The following HDAC9 variants were observed in gnomAD, a reference collection of about 807,000 sequenced individuals.
HDAC9 encodes the protein MEF-2 interacting transcription repressor (MITR) protein.
In HDAC9, 41 loss-of-function variants were observed where a neutral mutation model predicts 139.4. The observed-to-expected ratio is 0.29, with a 90% confidence interval of 0.23 to 0.38. The LOEUF (loss-of-function observed/expected upper bound fraction) is 0.38. HDAC9 is among the 10% of genes least tolerant of loss of function. The pLI is 1.00. For missense variants in HDAC9, 1,147 were observed against 1,297.0 expected (o/e 0.88, Z 1.78); for synonymous variants, 517 against 476.2 (o/e 1.09, Z -1.12).
At chr7:18,897,054 A>G (rs1458789200) in intron 22 of HDAC9, among the ~76,000 whole-genome samples, 3 of 152,088 alleles carry the variant, frequency 2.0e-5, no homozygotes, top group African/African-American at 4.8e-5. Flanking sequence ...GAGTATGCAT[A>G]TGCTCATTTT....
intron 2 of HDAC9, among the ~76,000 whole-genome samples, chr7:18,551,910 T>C (rs749283754): frequency 4.6e-5 from 7 of 152,238 alleles, no homozygotes; most frequent in Admixed American, 6.5e-5. Flanking sequence ...ATGTATTTTA[T>C]GTATTATTAT....
At chr7:18,899,918 G>A (rs1801544200) in intron 22 of HDAC9, among the ~76,000 whole-genome samples, 1 of 151,964 alleles carries the variant, frequency 6.6e-6, no homozygotes, top group Non-Finnish European at 1.5e-5. Flanking sequence ...TTGATAATGT[G>A]CATTTTCTGA....
At chr7:18,373,986 A>C (rs1404839195) in intron 1 of HDAC9, among the ~76,000 whole-genome samples, 1 of 152,046 alleles carries the variant, frequency 6.6e-6, no homozygotes, top group East Asian at 1.9e-4. Flanking sequence ...ATACTGTAAA[A>C]AATGTTACAA....
At chr7:18,143,807 G>C in intron 1 of HDAC9, among the ~76,000 whole-genome samples, 1 of 142,464 alleles carries the variant, frequency 7.0e-6, no homozygotes, top group African/African-American at 2.6e-5. Flanking sequence ...AAAAAAAAAA[G>C]AGTGTCTCTT....
At chr7:18,592,233 T>C (rs1831200517) in intron 5 of HDAC9, among the ~76,000 whole-genome samples, 1 of 152,082 alleles carries the variant, frequency 6.6e-6, no homozygotes, top group African/African-American at 2.4e-5. Context: ...GTGAATAGTT[T>C]ACCCCTGCCC....
chr7:18,720,722 C>T (rs1785082489), intron 12 of HDAC9, among the ~76,000 whole-genome samples: 1 of 150,420 alleles, frequency 6.6e-6, no homozygotes, highest in African/African-American at 2.5e-5. Context: ...CGCTCTGTCA[C>T]TCAGGCTGGA....
chr7:18,136,839 A>G (rs1379731686), intron 1 of HDAC9, among the ~76,000 whole-genome samples: 1 of 152,022 alleles, frequency 6.6e-6, no homozygotes, highest in Non-Finnish European at 1.5e-5. Flanking sequence ...AATTCTGTGA[A>G]GAAAGGCATT....
intron 1 of HDAC9, among the ~76,000 whole-genome samples, chr7:18,451,385 G>GTGTGTATATATA (rs1331350273): frequency 1.5e-5 from 2 of 136,290 alleles, no homozygotes; most frequent in African/African-American, 5.3e-5. Flanking sequence ...GTGTGTGTGT[G>GTGTGTATATATA]TGTGTGTGTG....
At chr7:18,166,999 A>G (rs560402605) in intron 2 of HDAC9, among the ~76,000 whole-genome samples, 3 of 152,340 alleles carry the variant, frequency 2.0e-5, no homozygotes, top group South Asian at 4.1e-4. Flanking sequence ...GTCAAATCCC[A>G]TGACAAGTAG....
intron 17 of HDAC9, among the ~76,000 whole-genome samples, chr7:18,797,910 A>G (rs894118125): frequency 2.6e-5 from 4 of 152,060 alleles, no homozygotes; most frequent in African/African-American, 9.7e-5. Context: ...CTTATCGAAT[A>G]TATTCTTCTT....
intron 1 of HDAC9, among the ~76,000 whole-genome samples, chr7:18,353,717 C>A (rs1783034292): frequency 6.6e-6 from 1 of 152,188 alleles, no homozygotes; most frequent in Non-Finnish European, 1.5e-5. Flanking sequence ...ACATTTGGAT[C>A]TGAAAGATCT....
At chr7:18,895,750 C>A (rs1801135754) in intron 22 of HDAC9, among the ~76,000 whole-genome samples, 2 of 152,058 alleles carry the variant, frequency 1.3e-5, no homozygotes, top group South Asian at 4.1e-4. Flanking sequence ...GCTGTCTATT[C>A]TCTTGTAAGG....
Position 18,524,679 on chromosome 7 carries a change from T to C in HDAC9, c.22+28355T>C, listed in dbSNP as rs1416346434. 5.8e-4 allele frequency among the ~76,000 whole-genome samples: 88 copies of C among 152,146 alleles called. 1 individual carries two copies. Among genetic ancestry groups the C allele is most frequent in the Admixed American group, 5.7e-3 (87 of 15,264 alleles). On this transcript the variant is annotated intron_variant, in intron 2 of 25. Coordinates refer to ENST00000686413, the MANE Select transcript of HDAC9 (RefSeq NM_178425.4). Reference sequence around the variant, plus strand: ...GAATATATATTTTCCCATTCTTAACTCTGTCTCTCTTCTAGGGATTGAGAG... The same window carrying C: ...GAATATATATTTTCCCATTCTTAACCCTGTCTCTCTTCTAGGGATTGAGAG...
chr7:18,228,066 A>G (rs1793193066), intron 2 of HDAC9, among the ~76,000 whole-genome samples: 1 of 152,172 alleles, frequency 6.6e-6, no homozygotes, highest in African/African-American at 2.4e-5. Context: ...ATGTGAATTG[A>G]GTTTCTTTAG....
chr7:18,807,361 T>G (rs571229083), intron 17 of HDAC9, among the ~76,000 whole-genome samples: 213 of 152,302 alleles, frequency 1.4e-3, no homozygotes, highest in African/African-American at 4.8e-3. Context: ...GTCAAAGGAT[T>G]GTCATTTCAT....
intron 1 of HDAC9, among the ~76,000 whole-genome samples, chr7:18,124,404 T>G (rs1031685374): frequency 1.3e-5 from 2 of 152,234 alleles, no homozygotes; most frequent in African/African-American, 4.8e-5. Flanking sequence ...AACAAGGAGG[T>G]GGGATAGATT....
At chr7:18,246,506 A>AC (rs1314903357) in intron 2 of HDAC9, among the ~76,000 whole-genome samples, 6 of 151,726 alleles carry the variant, frequency 4.0e-5, no homozygotes, top group African/African-American at 7.3e-5. Flanking sequence ...CTAAATAGTC[A>AC]CCCCCCCATT....
chr7:18,859,584 C>G (rs186395843), intron 21 of HDAC9, among the ~76,000 whole-genome samples: 5 of 151,330 alleles, frequency 3.3e-5, no homozygotes, highest in Admixed American at 3.3e-4. Flanking sequence ...CTGCCTTCCT[C>G]AGAAAGGCCA....
chr7:18,691,004 G>T (rs1255497306), intron 12 of HDAC9, among the ~76,000 whole-genome samples: 1 of 152,008 alleles, frequency 6.6e-6, no homozygotes, highest in African/African-American at 2.4e-5. Context: ...TCTGTTTAAT[G>T]TATATTTATA....
Sources: allele counts gnomAD v4.1 joint callset (sites outside exome capture counted in the v4.1 genomes callset), GRCh38; gene constraint gnomAD v4.1.1; transcripts MANE v1.5; gene names NCBI Gene and HGNC (gene_info 2026-07-23, HGNC 2026-07-21).